The following RPL3 variants were observed in gnomAD, a reference collection of about 807,000 sequenced individuals.
RPL3 encodes large ribosomal subunit protein uL3.
A neutral mutation model predicts 46.0 loss-of-function variants in RPL3; 3 were observed. The ratio of observed to expected loss-of-function variants is 0.07; its 90% CI spans 0.03 to 0.17. RPL3 has a LOEUF of 0.17. RPL3 is among the 10% of genes least tolerant of loss of function. The pLI, the probability that RPL3 is intolerant of heterozygous loss-of-function variation, is 1.00. For synonymous variants in RPL3, 224 were observed against 190.8 expected, an observed-to-expected ratio of 1.17 and a Z score of -1.43; for missense variants, 387 against 532.7, an observed-to-expected ratio of 0.73 and a Z score of 2.69.
intron 1 of RPL3, chr22:39,319,092 G>A (rs749113520): frequency 1.1e-5 from 6 of 537,750 alleles, no homozygotes; most frequent in African/African-American, 1.9e-5. Context: ...CTGTCCGCCC[G>A]TCAATAAGTT....
At chr22:39,319,001 C>T (rs1321549984) in intron 1 of RPL3, 1 of 539,568 alleles carries the variant, frequency 1.9e-6, no homozygotes, top group Admixed American at 1.9e-5. Context: ...CCTCCGGTGC[C>T]CGGACACTAA....
chr22:39,313,266 G>A lies in RPL3; in HGVS notation c.1092C>T (p.Asp364=), dbSNP rs983554860. The change falls in exon 9 of 10, where the codon GAC becomes GAT. Residue 364 remains aspartate (D), a synonymous_variant. Transcript: ENST00000216146. ...TGGAGGTGGTGTCAATGAACTTAAG[G>A]TCAATCTTCTCCAGAGCCCGCCGCT... ...QTKRRALEKI[D]LKFIDTTSKF... 1.2e-6 allele frequency: 2 copies of A among 1,612,952 alleles called. No homozygotes were observed. Among genetic ancestry groups the A allele is most frequent in the Non-Finnish European group, 1.7e-6 (2 of 1,179,552 alleles).
chr22:39,318,226 G>T, intron 2 of RPL3, 174 bp downstream of exon 2: 1 of 636,434 alleles, frequency 1.6e-6, no homozygotes, highest in Non-Finnish European at 2.7e-6. Flanking sequence ...CTGTAGCCTT[G>T]GAATATTAGT....
At chr22:39,317,366 T>C (rs1481729374) in intron 3 of RPL3, 95 bp downstream of exon 3, 1 of 1,400,218 alleles carries the variant, frequency 7.1e-7, no homozygotes, top group Non-Finnish European at 9.8e-7. Flanking sequence ...AGCAGCTCCC[T>C]GCCTGCTACA....
At chr22:39,314,642 G>A (rs764322074) in intron 6 of RPL3, 44 bp downstream of exon 6, 70 of 1,578,630 alleles carry the variant, frequency 4.4e-5, no homozygotes, top group African/African-American at 1.8e-4. Context: ...TCCCCATCAC[G>A]GGGGCCTCTT....
chr22:39,313,161 C>G (rs1435634282), intron 9 of RPL3, 30 bp downstream of exon 9: 1 of 1,604,774 alleles, frequency 6.2e-7, no homozygotes, highest in East Asian at 2.2e-5. Context: ...GCCACCACAC[C>G]CAGCGAGGGG....
chr22:39,319,229 G>A, intron 1 of RPL3: 1 of 518,660 alleles, frequency 1.9e-6, no homozygotes, highest in Non-Finnish European at 3.7e-6. Context: ...ACGGCGCCGA[G>A]AACCTCCACC....
In RPL3 at chr22:39,313,745, C is replaced by T. The variant is rs1374804304; in HGVS notation, c.952-16G>A. 16 of 1,611,500 alleles carry T rather than the reference C, an allele frequency of 9.9e-6. No homozygotes were observed. Among genetic ancestry groups the T allele is most frequent in the East Asian group, 4.5e-5 (2 of 44,870 alleles). On this transcript the variant is annotated splice_polypyrimidine_tract_variant and intron_variant, in intron 7 of 9. Transcript: ENST00000216146. ...CAAAGCCACCCTGGAAAACGAGCAT[C>T]GGATCAGCACAGGCCCAGGAGGGGA...
In RPL3 at chr22:39,317,582, G is replaced by A. The variant is rs767306098; in HGVS notation, c.244C>T (p.Pro82Ser). ...ACAATGCCCACAACCACCATGGGTGGTGTCTCTACAATGGTCACAGCCTCC... is the reference window on the plus strand; with the variant it reads ...ACAATGCCCACAACCACCATGGGTGATGTCTCTACAATGGTCACAGCCTCC... Reference protein sequence around the residue: ...VVEAVTIVETPPMVVVGIVGY... With the variant: ...VVEAVTIVETSPMVVVGIVGY... Residue 82 changes from proline (P) to serine (S), a missense_variant, in exon 3 of 10, where the codon CCA becomes TCA. Transcript: ENST00000216146. 1.2e-6 allele frequency: 2 copies of A among 1,613,924 alleles called. No homozygotes were observed. Among genetic ancestry groups the A allele is most frequent in the Admixed American group, 3.3e-5 (2 of 60,014 alleles).
chr22:39,315,619 C>A, intron 4 of RPL3, 64 bp from the exon 5 acceptor site: 2 of 1,581,818 alleles, frequency 1.3e-6, no homozygotes, highest in Non-Finnish European at 1.7e-6. Flanking sequence ...AGAGGAACTG[C>A]AGCTCCATGC....
chr22:39,313,823 T>C, intron 7 of RPL3, 94 bp from the exon 8 acceptor site: 1 of 1,161,976 alleles, frequency 8.6e-7, no homozygotes, highest in African/African-American at 1.5e-5. Flanking sequence ...CACAGGGCTG[T>C]TCTCAGAAGG....
intron 3 of RPL3, 106 bp from the exon 4 acceptor site, chr22:39,316,947 T>A (rs747039173): frequency 6.4e-7 from 1 of 1,572,812 alleles, no homozygotes; most frequent in South Asian, 1.1e-5. Context: ...ATGGAGCTCA[T>A]TGCCGGCTTC....
In RPL3 at chr22:39,315,654, G is replaced by A. The variant is rs183612486; in HGVS notation, c.502-99C>T. On this transcript the variant is annotated intron_variant, in intron 4 of 9. Coordinates refer to ENST00000216146, the MANE Select transcript of RPL3 (RefSeq NM_000967.4). ...CGGCCTGATTGATGTCAAGCACACG[G>A]CAAAAAGCCAGTAACTCTGAACAAG... 171 of 1,401,348 alleles carry A rather than the reference G, an allele frequency of 1.2e-4. 1 individual carries two copies. Among genetic ancestry groups the A allele is most frequent in the Middle Eastern group, 1.8e-4 (1 of 5,530 alleles). 86.8% of individuals were successfully genotyped at this position (1,401,348 alleles called of 1,614,324 possible).
intron 1 of RPL3, chr22:39,318,970 G>C (rs1489469474): frequency 1.9e-6 from 1 of 534,532 alleles, no homozygotes. Context: ...GTAGCAGCTA[G>C]CAATGTTAAG....
At chr22:39,313,889 T>C in intron 7 of RPL3, 160 bp from the exon 8 acceptor site, 1 of 861,844 alleles carries the variant, frequency 1.2e-6, no homozygotes. Context: ...CAGCGCACAT[T>C]CCAGGCCTCA....
At position 39,317,964 on chromosome 22, in the gene RPL3, G is replaced by A. The variant is rs1011726393; in HGVS notation, c.197-335C>T. 1.6e-5 allele frequency: 6 copies of A among 365,096 alleles called. No homozygotes were observed. In the Admixed American group the frequency reaches 1.7e-4, roughly 10 times the overall value. The allele number at this position is 365,096 out of a possible 1,614,324, so 22.6% of individuals were successfully genotyped here. On this transcript the variant is annotated intron_variant, in intron 2 of 9. Coordinates refer to ENST00000216146, the MANE Select transcript of RPL3 (RefSeq NM_000967.4). ...GCTCAGAGATTAGTCAGTATCAACTGCCTAACATTAATGTCTCCATGGCTC... is the reference window on the plus strand; with the variant it reads ...GCTCAGAGATTAGTCAGTATCAACTACCTAACATTAATGTCTCCATGGCTC...
At chr22:39,318,730 A>G (rs1329646992) in intron 1 of RPL3, 138 bp from the exon 2 acceptor site, 3 of 707,860 alleles carry the variant, frequency 4.2e-6, no homozygotes, top group Non-Finnish European at 6.9e-6. Context: ...TAAAAAGGTC[A>G]TTATCTCTTC....
intron 1 of RPL3, among the ~76,000 whole-genome samples, chr22:39,318,861 A>G (rs1473232462): frequency 6.6e-6 from 1 of 152,186 alleles, no homozygotes; most frequent in East Asian, 1.9e-4. Context: ...ACAAAAATAC[A>G]CTAAGTAGTG....
chr22:39,316,009 G>A (rs1922665454), intron 4 of RPL3, among the ~76,000 whole-genome samples: 2 of 152,296 alleles, frequency 1.3e-5, no homozygotes, highest in South Asian at 4.1e-4. Flanking sequence ...GGAGGCCGAG[G>A]CAGGTGGATC....
Sources: gnomAD v4.1 joint callset for allele counts (sites outside exome capture counted in the v4.1 genomes callset) on GRCh38, gnomAD v4.1.1 for gene constraint, MANE v1.5 for transcripts, NCBI Gene and HGNC (gene_info 2026-07-23, HGNC 2026-07-21) for gene names.